The following INSR variants were observed in gnomAD, a reference collection of about 807,000 sequenced individuals.
The protein encoded by INSR is insulin receptor.
INSR carries 67 observed loss-of-function variants against 142.6 expected under a neutral mutation model. The observed-to-expected ratio is 0.47, with a 90% CI of 0.39 to 0.58. The LOEUF is 0.58. Among genes scored for constraint, INSR ranks in the 20% least tolerant of loss-of-function variants. The pLI is 0.00. For synonymous variants in INSR, 756 were observed against 743.1 expected (o/e 1.02, Z -0.28); for missense variants, 1,248 against 1,833.2 (o/e 0.68, Z 5.83).
chr19:7,188,104 T>A (rs1354480724), intron 2 of INSR, among the ~76,000 whole-genome samples: 2 of 152,138 alleles, frequency 1.3e-5, no homozygotes, highest in African/African-American at 4.8e-5. Flanking sequence ...CCCTGGTCCC[T>A]TGTCCCCTTG....
At chr19:7,169,735 A>G (rs1243321989) in intron 6 of INSR, among the ~76,000 whole-genome samples, 2 of 152,212 alleles carry the variant, frequency 1.3e-5, no homozygotes, top group Non-Finnish European at 2.9e-5. Flanking sequence ...AGTCTTCAGC[A>G]TCAGCCTGAT....
At chr19:7,170,312 T>A in intron 6 of INSR, among the ~76,000 whole-genome samples, 1 of 151,850 alleles carries the variant, frequency 6.6e-6, no homozygotes, top group East Asian at 1.9e-4. Flanking sequence ...GACCATCTAG[T>A]TGCAGGAACA....
chr19:7,148,797 T>C (rs2144877258), intron 11 of INSR, among the ~76,000 whole-genome samples: 1 of 149,216 alleles, frequency 6.7e-6, no homozygotes, highest in African/African-American at 2.5e-5. Flanking sequence ...AATATTATTT[T>C]ATTTTTATTT....
At chr19:7,224,724 A>C (rs1483912388) in intron 2 of INSR, among the ~76,000 whole-genome samples, 2 of 152,172 alleles carry the variant, frequency 1.3e-5, no homozygotes, top group Admixed American at 6.5e-5. Context: ...TACAGCAAAG[A>C]GTGTTTGGAT....
intron 1 of INSR, among the ~76,000 whole-genome samples, chr19:7,269,122 C>T (rs368762727): frequency 1.3e-5 from 2 of 149,722 alleles, no homozygotes; most frequent in Non-Finnish European, 1.5e-5. Context: ...CAGTATACAA[C>T]CCCTGCTTAT....
intron 3 of INSR, among the ~76,000 whole-genome samples, chr19:7,181,230 G>A (rs1218799484): frequency 6.6e-6 from 1 of 152,176 alleles, no homozygotes; most frequent in African/African-American, 2.4e-5. Flanking sequence ...ATAGGCGTGA[G>A]CCACCGCGCC....
intron 2 of INSR, among the ~76,000 whole-genome samples, chr19:7,263,565 GT>G (rs1450076678): frequency 6.6e-6 from 1 of 152,094 alleles, no homozygotes; most frequent in Non-Finnish European, 1.5e-5. Context: ...TTATTGTTTT[GT>G]TTTGTGTTCA....
chr19:7,265,750 A>T (rs1390499604), intron 2 of INSR, among the ~76,000 whole-genome samples: 3 of 140,940 alleles, frequency 2.1e-5, no homozygotes, highest in Non-Finnish European at 3.1e-5. Context: ...AAAAAAAAAA[A>T]ATTAAAATAT....
At chr19:7,136,828 CATATATATAT>C (rs57665258) in intron 13 of INSR, among the ~76,000 whole-genome samples, 1 of 139,752 alleles carries the variant, frequency 7.2e-6, no homozygotes, top group African/African-American at 2.9e-5. Context: ...TATTTATTTA[CATATATATAT>C]ATATATATAT....
intron 2 of INSR, among the ~76,000 whole-genome samples, chr19:7,265,479 G>A (rs574393118): frequency 1.3e-3 from 205 of 152,194 alleles, no homozygotes; most frequent in Non-Finnish European, 2.3e-3. Context: ...GGTGGCTCAC[G>A]CCTGTAATCC....
chr19:7,160,910 C>T (rs907427054), intron 9 of INSR, among the ~76,000 whole-genome samples: 9 of 150,722 alleles, frequency 6.0e-5, no homozygotes, highest in African/African-American at 1.7e-4. Flanking sequence ...GCACAAGAAT[C>T]GCTTGAACCC....
intron 3 of INSR, among the ~76,000 whole-genome samples, chr19:7,178,719 A>C (rs150074533): frequency 3.3e-5 from 5 of 151,938 alleles, no homozygotes; most frequent in African/African-American, 7.3e-5. Context: ...ACTCCGTCTC[A>C]AAACAAACAA....
chr19:7,172,483 T>A, intron 4 of INSR, 49 bp from the exon 5 acceptor site: 1 of 1,587,618 alleles, frequency 6.3e-7, no homozygotes, highest in Non-Finnish European at 8.6e-7. Flanking sequence ...CATATTTCAA[T>A]CTTCTCATGA....
intron 2 of INSR, among the ~76,000 whole-genome samples, chr19:7,265,047 C>G (rs144963021): frequency 5.8e-4 from 89 of 152,314 alleles, no homozygotes; most frequent in African/African-American, 2.0e-3. Context: ...TCCCTTCTAT[C>G]TTTTGTGATA....
intron 13 of INSR, among the ~76,000 whole-genome samples, chr19:7,133,484 G>A (rs1972834806): frequency 6.6e-6 from 1 of 152,146 alleles, no homozygotes; most frequent in Non-Finnish European, 1.5e-5. Flanking sequence ...ACAGAGCAGT[G>A]GATTCCTAGA....
At chr19:7,180,290 G>A (rs2144975958) in intron 3 of INSR, among the ~76,000 whole-genome samples, 1 of 152,232 alleles carries the variant, frequency 6.6e-6, no homozygotes, top group South Asian at 2.1e-4. Context: ...AGCACTTTGG[G>A]AAGCCAAGGT....
At chr19:7,167,909 G>A (rs1973923961) in intron 7 of INSR, 59 bp downstream of exon 7, 5 of 1,609,434 alleles carry the variant, frequency 3.1e-6, no homozygotes. Flanking sequence ...CACAAACGTA[G>A]CAAGCACAGA....
chr19:7,290,520 C>A (rs1055418412), intron 1 of INSR, among the ~76,000 whole-genome samples: 2 of 152,024 alleles, frequency 1.3e-5, no homozygotes, highest in Non-Finnish European at 1.5e-5. Flanking sequence ...CACCTATAAT[C>A]CCAGGTCTTT....
chr19:7,258,874 G>T (rs1976971083), intron 2 of INSR, among the ~76,000 whole-genome samples: 1 of 148,674 alleles, frequency 6.7e-6, no homozygotes, highest in Non-Finnish European at 1.5e-5. Flanking sequence ...ATGTTGGCAG[G>T]GGCAAATTCT....
Sources: allele counts gnomAD v4.1 joint callset (sites outside exome capture counted in the v4.1 genomes callset), GRCh38; gene constraint gnomAD v4.1.1; transcripts MANE v1.5; gene names NCBI Gene and HGNC (gene_info 2026-07-23, HGNC 2026-07-21).